IL1RAPL2: variants seen among roughly 807,000 people sequenced by gnomAD.
The protein encoded by IL1RAPL2 is interleukin 1 receptor accessory protein like 2.
A neutral mutation model predicts 44.1 loss-of-function variants in IL1RAPL2; 3 were observed. That is an observed-to-expected ratio of 0.07 (90% CI 0.03 to 0.18). The LOEUF (loss-of-function observed/expected upper bound fraction) is 0.18, where lower values mean the gene tolerates loss of function less well. Among genes scored for constraint, IL1RAPL2 ranks in the 10% least tolerant of loss-of-function variants. The probability of loss-of-function intolerance (pLI) is 1.00; values close to 1 mark genes in which losing one functional copy is unlikely to be tolerated. For missense variants in IL1RAPL2, 391 were observed against 496.4 expected, an observed-to-expected ratio of 0.79 and a Z score of 2.02; for synonymous variants, 181 against 178.8, an observed-to-expected ratio of 1.01 and a Z score of -0.10.
At chrX:104,711,687 G>GA (rs5903244) in intron 2 of IL1RAPL2, among the ~76,000 whole-genome samples, 45,444 of 102,615 alleles carry the variant, frequency 0.44, 7,891 homozygotes, top group South Asian at 0.56. Context: ...TGGCTCATTG[G>GA]AAAAAAAAAA....
At chrX:104,714,521 TTTGCTGTGA>T (rs1363246963) in intron 2 of IL1RAPL2, among the ~76,000 whole-genome samples, 2 of 110,881 alleles carry the variant, frequency 1.8e-5, no homozygotes, top group Non-Finnish European at 3.8e-5. Context: ...AGTGGTGCCT[TTTGCTGTGA>T]TTGTAAGTTT....
intron 2 of IL1RAPL2, among the ~76,000 whole-genome samples, chrX:105,058,810 A>G (rs1375426777): frequency 1.8e-5 from 2 of 111,956 alleles, no homozygotes; most frequent in Admixed American, 1.9e-4. Context: ...TATGAACAAG[A>G]CTTGGCACCA....
chrX:105,751,093 C>T (rs1159148639), intron 9 of IL1RAPL2, among the ~76,000 whole-genome samples: 1 of 109,780 alleles, frequency 9.1e-6, no homozygotes, highest in Non-Finnish European at 1.9e-5. Context: ...CATAGGGAGA[C>T]CTCATCTCTA....
At chrX:104,814,196 G>A (rs1324576839) in intron 2 of IL1RAPL2, among the ~76,000 whole-genome samples, 1 of 111,282 alleles carries the variant, frequency 9.0e-6, no homozygotes, top group African/African-American at 3.3e-5. Context: ...AATAGTATTT[G>A]TGCTGAAGGA....
At chrX:105,348,248 T>C (rs2035126128) in intron 5 of IL1RAPL2, among the ~76,000 whole-genome samples, 1 of 111,657 alleles carries the variant, frequency 9.0e-6, no homozygotes, top group Non-Finnish European at 1.9e-5. Context: ...CACTGGTATC[T>C]AGCTAGAGCC....
chrX:104,891,286 T>A (rs972610328), intron 2 of IL1RAPL2, among the ~76,000 whole-genome samples: 9 of 112,066 alleles, frequency 8.0e-5, no homozygotes, highest in Non-Finnish European at 1.5e-4. Context: ...ATGCGGGTTC[T>A]TTTTTGGTTC....
At chrX:105,336,725 A>G (rs1250508774) in intron 5 of IL1RAPL2, among the ~76,000 whole-genome samples, 1 of 111,945 alleles carries the variant, frequency 8.9e-6, no homozygotes, top group African/African-American at 3.2e-5. Flanking sequence ...TCTGCTGGCA[A>G]AGTCATCATG....
intron 2 of IL1RAPL2, among the ~76,000 whole-genome samples, chrX:105,195,046 T>C (rs782610647): frequency 1.3e-4 from 14 of 110,542 alleles, no homozygotes; most frequent in Non-Finnish European, 7.6e-5. Context: ...CCTGTCTATA[T>C]AAACAATTCG....
chrX:104,830,148 C>G (rs1921567657), intron 2 of IL1RAPL2, among the ~76,000 whole-genome samples: 1 of 111,445 alleles, frequency 9.0e-6, no homozygotes, highest in South Asian at 3.8e-4. Context: ...TGGCAGTAAA[C>G]AGATGTAACC....
chrX:104,995,839 G>A (rs944283046), intron 2 of IL1RAPL2, among the ~76,000 whole-genome samples: 2 of 111,434 alleles, frequency 1.8e-5, no homozygotes, highest in African/African-American at 6.5e-5. Flanking sequence ...TTTCCTGAAA[G>A]GGTGTCACCA....
At chrX:105,375,536 A>G (rs1183219643) in intron 5 of IL1RAPL2, among the ~76,000 whole-genome samples, 1 of 111,649 alleles carries the variant, frequency 9.0e-6, no homozygotes, top group Non-Finnish European at 1.9e-5. Context: ...ACAATCAACA[A>G]CAACAAAAAA....
At chrX:105,326,640 CT>C (rs757687006) in intron 5 of IL1RAPL2, among the ~76,000 whole-genome samples, 1 of 111,595 alleles carries the variant, frequency 9.0e-6, no homozygotes, top group South Asian at 3.8e-4. Flanking sequence ...CTAGCACCAT[CT>C]AAAAACTATT....
intron 5 of IL1RAPL2, among the ~76,000 whole-genome samples, chrX:105,363,308 A>ATATATATATATAAT (rs1491419366): frequency 1.5e-5 from 1 of 68,567 alleles, no homozygotes; most frequent in African/African-American, 1.3e-4. Flanking sequence ...ATATATATAT[A>ATATATATATATAAT]ATATATATAT....
intron 5 of IL1RAPL2, among the ~76,000 whole-genome samples, chrX:105,370,691 C>T (rs753067326): frequency 8.9e-6 from 1 of 112,205 alleles, no homozygotes; most frequent in South Asian, 3.7e-4. Flanking sequence ...TGAACATATA[C>T]ATGCATGTGT....
At chrX:105,027,610 A>T (rs1312013489) in intron 2 of IL1RAPL2, among the ~76,000 whole-genome samples, 2 of 111,973 alleles carry the variant, frequency 1.8e-5, no homozygotes, top group Non-Finnish European at 3.8e-5. Flanking sequence ...AGAAATGCAA[A>T]TCAAAACTAC....
At chrX:105,177,221 A>G (rs1192495689) in intron 2 of IL1RAPL2, among the ~76,000 whole-genome samples, 2 of 110,141 alleles carry the variant, frequency 1.8e-5, no homozygotes, top group African/African-American at 6.6e-5. Flanking sequence ...AGATTCTCAT[A>G]GGAGCACAAA....
At chrX:105,309,893 T>C (rs2034783247) in intron 5 of IL1RAPL2, among the ~76,000 whole-genome samples, 1 of 111,732 alleles carries the variant, frequency 8.9e-6, no homozygotes, top group Non-Finnish European at 1.9e-5. Flanking sequence ...TGTGTGCATA[T>C]TTATATATAA....
intron 2 of IL1RAPL2, among the ~76,000 whole-genome samples, chrX:105,010,473 T>C (rs372812398): frequency 8.9e-6 from 1 of 111,927 alleles, no homozygotes; most frequent in African/African-American, 3.2e-5. Context: ...TTTTAATGTT[T>C]ATATATTAGA....
chrX:104,633,345 A>G (rs1487449131), intron 1 of IL1RAPL2, among the ~76,000 whole-genome samples: 6 of 111,476 alleles, frequency 5.4e-5, no homozygotes, highest in East Asian at 2.8e-4. Context: ...TCAGGATGAT[A>G]CTGGCCTCAT....
Sources: gnomAD v4.1 joint callset for allele counts (sites outside exome capture counted in the v4.1 genomes callset) on GRCh38, gnomAD v4.1.1 for gene constraint, MANE v1.5 for transcripts, NCBI Gene and HGNC (gene_info 2026-07-23, HGNC 2026-07-21) for gene names.